TEX14: variants seen among roughly 807,000 people sequenced by gnomAD.
The protein encoded by TEX14 is testis expressed 14, intercellular bridge forming factor.
Under a neutral mutation model 178.6 loss-of-function variants are expected in TEX14, and 168 were observed. The observed-to-expected ratio is 0.94, with a 90% CI of 0.83 to 1.07. The LOEUF is 1.07. Ranked by LOEUF, TEX14 falls within the 50% of genes least tolerant of loss-of-function variation. The pLI is 0.00. For synonymous variants in TEX14, 626 were observed against 634.1 expected, an observed-to-expected ratio of 0.99 and a Z score of 0.19; for missense variants, 1,730 against 1,753.6, an observed-to-expected ratio of 0.99 and a Z score of 0.24.
At chr17:58,605,252 CG>C in intron 10 of TEX14, 123 bp from the exon 11 acceptor site, 1 of 1,198,458 alleles carries the variant, frequency 8.3e-7, no homozygotes. Context: ...AAAGCAGCAG[CG>C]TGATCTCAGC....
At chr17:58,674,911 G>GA (rs1262093026) in intron 1 of TEX14, among the ~76,000 whole-genome samples, 15 of 151,058 alleles carry the variant, frequency 9.9e-5, no homozygotes, top group African/African-American at 3.7e-4. Flanking sequence ...GTGGGAGGCT[G>GA]AGGGGGGGTG....
intron 9 of TEX14, among the ~76,000 whole-genome samples, chr17:58,612,249 G>T (rs2045762237): frequency 6.6e-6 from 1 of 152,140 alleles, no homozygotes; most frequent in African/African-American, 2.4e-5. Context: ...TTAGTCAAAG[G>T]TGTCTGTATT....
intron 11 of TEX14, among the ~76,000 whole-genome samples, chr17:58,603,263 A>G (rs1210591217): frequency 6.7e-6 from 1 of 148,460 alleles, no homozygotes; most frequent in Non-Finnish European, 1.5e-5. Context: ...ACCATAAAAA[A>G]GCAGCCCTTG....
chr17:58,625,684 A>G (rs2046119741), intron 3 of TEX14, among the ~76,000 whole-genome samples: 5 of 152,196 alleles, frequency 3.3e-5, no homozygotes, highest in Admixed American at 3.3e-4. Flanking sequence ...TTTGGTACAC[A>G]CAGTGTTCAA....
rs148802356 is a variant in TEX14 at position 58,684,386 on chromosome 17, C to T, written c.-2+7553G>A. Among the ~76,000 whole-genome samples the T allele has an allele frequency of 1.5e-4, 22 of 151,488 alleles. No individual in the cohort carries two copies. The East Asian group carries it at 3.7e-3, about 25-fold the overall frequency. On this transcript the variant is annotated intron_variant, in intron 1 of 31. Transcript: ENST00000349033. Reference sequence around the variant, plus strand: ...CTGATACAGGAGAATCGCTTGAACACGGGAGGCGGAGGTTGGAGTGAGCTG... The same window carrying T: ...CTGATACAGGAGAATCGCTTGAACATGGGAGGCGGAGGTTGGAGTGAGCTG...
intron 10 of TEX14, among the ~76,000 whole-genome samples, chr17:58,609,587 G>A (rs1318854697): frequency 6.6e-6 from 1 of 152,006 alleles, no homozygotes; most frequent in Non-Finnish European, 1.5e-5. Flanking sequence ...ACCCTATACT[G>A]TTCAAAAATG....
intron 2 of TEX14, among the ~76,000 whole-genome samples, chr17:58,643,142 C>G (rs548360584): frequency 1.9e-4 from 29 of 152,326 alleles, no homozygotes; most frequent in African/African-American, 7.0e-4. Flanking sequence ...CCCTCAAGCC[C>G]TGCTACTGAC....
intron 1 of TEX14, among the ~76,000 whole-genome samples, chr17:58,676,432 C>CTACA (rs1567772171): frequency 1.3e-5 from 2 of 150,508 alleles, no homozygotes; most frequent in Admixed American, 1.3e-4. Context: ...TGGTGGCAGG[C>CTACA]GTCTGTAATC....
At chr17:58,603,886 A>AGT (rs1267658086) in intron 11 of TEX14, among the ~76,000 whole-genome samples, 2 of 73,364 alleles carry the variant, frequency 2.7e-5, no homozygotes, top group Non-Finnish European at 4.8e-5. Flanking sequence ...ATGTGATTTT[A>AGT]CTGTGTGTGT....
chr17:58,628,355 G>A (rs2046197821), intron 3 of TEX14, among the ~76,000 whole-genome samples: 1 of 151,886 alleles, frequency 6.6e-6, no homozygotes, highest in Non-Finnish European at 1.5e-5. Flanking sequence ...GAGGCGGGCG[G>A]ACCATGAGGT....
intron 28 of TEX14, among the ~76,000 whole-genome samples, chr17:58,562,140 C>A (rs2044286026): frequency 6.6e-6 from 1 of 152,050 alleles, no homozygotes; most frequent in Non-Finnish European, 1.5e-5. Flanking sequence ...GTCCTTTAAT[C>A]CCTTGACAAA....
intron 2 of TEX14, among the ~76,000 whole-genome samples, chr17:58,647,224 G>A (rs951206966): frequency 6.6e-6 from 1 of 150,576 alleles, no homozygotes; most frequent in African/African-American, 2.4e-5. Context: ...TAAAGTGACA[G>A]AAAAAATGGA....
intron 1 of TEX14, chr17:58,659,288 C>A (rs981799110): frequency 1.5e-5 from 14 of 955,400 alleles, no homozygotes; most frequent in Non-Finnish European, 1.6e-5. Flanking sequence ...CAGCGTCTCT[C>A]CCCCGCCACA....
rs537268051 is a variant in TEX14, at chr17:58,661,302, G to A, written c.-1-9300C>T. The A allele has an allele frequency of 2.1e-5, 17 of 818,262 alleles. 1 individual carries two copies. Among genetic ancestry groups the A allele is most frequent in the South Asian group, 2.0e-4 (15 of 75,334 alleles). The allele number at this position is 818,262 out of a possible 1,614,324, so 50.7% of individuals were successfully genotyped here. ...CGAGCCTGCTGCAAATGATCTAGAC[G>A]CTTACGGGGGTTGACTTGTTTCATG... On this transcript the variant is annotated intron_variant, in intron 1 of 31. Transcript: ENST00000349033.
intron 1 of TEX14, 22 bp from the exon 2 acceptor site, chr17:58,652,024 T>C: frequency 6.7e-7 from 1 of 1,500,910 alleles, no homozygotes; most frequent in Non-Finnish European, 8.9e-7. Flanking sequence ...GAGAGCAATA[T>C]GCTTATTTTA....
chr17:58,686,228 C>G (rs2047588455), intron 1 of TEX14, among the ~76,000 whole-genome samples: 1 of 152,012 alleles, frequency 6.6e-6, no homozygotes, highest in African/African-American at 2.4e-5. Context: ...GTCTCAGCTT[C>G]TTAGGAGGCA....
In TEX14 at chr17:58,599,037, A is replaced by G. The variant is rs202043342; in HGVS notation, c.2308T>C (p.Ser770Pro). The G allele has an allele frequency of 1.5e-4, 247 of 1,613,892 alleles. No individual in the cohort carries two copies. The highest frequency in any genetic ancestry group is 2.0e-4 in the Non-Finnish European group (236 of 1,180,002). Residue 770 changes from serine to proline, a missense_variant, in exon 14 of 32, where the codon TCT becomes CCT. This residue lies in a region of TEX14 where 941 missense variants were observed against 1,072.4 expected (regional missense o/e 0.88). Transcript: ENST00000349033. ...AACTCTCTTGAAGTGGCCCATAAAG[A>G]CATGCGCTCTTCCTGTTCCTTCTGT... ...MKQKEQEERM[S>P]LWATSREFTN...
At chr17:58,608,487 T>G (rs1369234649) in intron 10 of TEX14, among the ~76,000 whole-genome samples, 2 of 150,084 alleles carry the variant, frequency 1.3e-5, no homozygotes, top group Admixed American at 1.3e-4. Context: ...GAAGCTGAGG[T>G]AGGAAGATCG....
chr17:58,571,032 G>A (rs1350923953), intron 24 of TEX14, among the ~76,000 whole-genome samples: 1 of 151,970 alleles, frequency 6.6e-6, no homozygotes, highest in Non-Finnish European at 1.5e-5. Flanking sequence ...TTTGAGGCAG[G>A]GATCATGTCT....
Sources: allele counts gnomAD v4.1 joint callset (sites outside exome capture counted in the v4.1 genomes callset), GRCh38; gene constraint gnomAD v4.1.1; regional missense constraint gnomAD v4.1.1; transcripts MANE v1.5; gene names NCBI Gene and HGNC (gene_info 2026-07-23, HGNC 2026-07-21).